CD163L1: variants seen among roughly 807,000 people sequenced by gnomAD.
CD163L1 encodes the protein scavenger receptor cysteine-rich type 1 protein M160.
In CD163L1, 124 loss-of-function variants were observed where a neutral mutation model predicts 165.4. That is an observed-to-expected ratio of 0.75 (90% CI 0.65 to 0.87). The LOEUF is 0.87. Ranked by LOEUF, CD163L1 falls within the 40% of genes least tolerant of loss-of-function variation. The pLI, the probability that CD163L1 is intolerant of heterozygous loss-of-function variation, is 0.00. For missense variants in CD163L1, 1,525 were observed against 1,799.9 expected, an observed-to-expected ratio of 0.85 and a Z score of 2.76; for synonymous variants, 585 against 662.2, an observed-to-expected ratio of 0.88 and a Z score of 1.79.
chr12:7,331,991 A>G, the CD163L1 span, among the ~76,000 whole-genome samples: 1 of 152,214 alleles, frequency 6.6e-6, no homozygotes, highest in Non-Finnish European at 1.5e-5. Context: ...CTCTGAGCTA[A>G]AGGAGGAAGT....
At chr12:7,344,072 T>C (rs1378674427), downstream of CD163L1, among the ~76,000 whole-genome samples, 3 of 151,388 alleles carry the variant, frequency 2.0e-5, no homozygotes, top group Non-Finnish European at 2.9e-5. Flanking sequence ...GGGCAATCAC[T>C]AAGCCTTTTT....
chr12:7,410,497 G>A (rs1373668841), intron 4 of CD163L1, among the ~76,000 whole-genome samples: 1 of 151,906 alleles, frequency 6.6e-6, no homozygotes, highest in Non-Finnish European at 1.5e-5. Flanking sequence ...CCAGCTACTC[G>A]GGAGGCTGAG....
chr12:7,324,056 T>A, the CD163L1 span, among the ~76,000 whole-genome samples: 4 of 151,754 alleles, frequency 2.6e-5, no homozygotes, highest in African/African-American at 9.7e-5. Flanking sequence ...CACATGTCTG[T>A]GGTCCCAGCT....
chr12:7,413,418 G>A (rs1948176648), intron 4 of CD163L1, among the ~76,000 whole-genome samples: 2 of 152,138 alleles, frequency 1.3e-5, no homozygotes, highest in African/African-American at 4.8e-5. Context: ...ATGAGTGGAG[G>A]CTTACAGCAA....
rs1417766334 is a variant in CD163L1 at position 7,347,632 on chromosome 12, G to A, written c.*25-485C>T. On this transcript the variant is annotated intron_variant, in intron 4 of 4. Transcript: ENST00000539726. The surrounding 1 kb of genome is among the most constrained non-coding windows in gnomAD (Gnocchi z 4.2). ...AATACAAAAAAATTAGCCTGGTGTGGTGGCGGGCGCCTGTAGTCCCAGCTA... is the reference window on the plus strand; with the variant it reads ...AATACAAAAAAATTAGCCTGGTGTGATGGCGGGCGCCTGTAGTCCCAGCTA... Among the ~76,000 whole-genome samples, 4 of 152,116 alleles carry A rather than the reference G, an allele frequency of 2.6e-5. No individual in the cohort carries two copies. Among genetic ancestry groups the A allele is most frequent in the African/African-American group, 9.7e-5 (4 of 41,428 alleles).
the CD163L1 span, among the ~76,000 whole-genome samples, chr12:7,330,155 C>G: frequency 2.6e-3 from 393 of 152,262 alleles, 4 homozygotes; most frequent in African/African-American, 8.5e-3. Context: ...ATATCTAAAG[C>G]TATGGAAGGA....
intron 8 of CD163L1, among the ~76,000 whole-genome samples, chr12:7,393,253 C>T (rs899052070): frequency 1.3e-4 from 20 of 152,154 alleles, no homozygotes; most frequent in Admixed American, 9.2e-4. Context: ...CCCTGGGATG[C>T]CAGGCTGGTT....
At chr12:7,443,231 T>C (rs898869497) in intron 1 of CD163L1, among the ~76,000 whole-genome samples, 1 of 152,196 alleles carries the variant, frequency 6.6e-6, no homozygotes, top group African/African-American at 2.4e-5. Context: ...TCTTTAGTCA[T>C]AAGCAAAACA....
intron 8 of CD163L1, among the ~76,000 whole-genome samples, chr12:7,388,135 A>C (rs1947561314): frequency 6.6e-6 from 1 of 152,214 alleles, no homozygotes; most frequent in Non-Finnish European, 1.5e-5. Context: ...AAATGGATTA[A>C]ATACTTAAAT....
At position 7,357,473 on chromosome 12, in the gene CD163L1, G is replaced by A. The variant is rs1054422804; in HGVS notation, c.4293C>T (p.Asn1431=). The A allele has an allele frequency of 6.8e-6, 11 of 1,612,508 alleles. No individual in the cohort carries two copies. In the East Asian group the frequency reaches 2.5e-4, roughly 36 times the overall value. ...TGTCGCTAGCATCTTCACAACCATGGTTGGGGGTGTCATCTGAAAGAAAGG... is the reference window on the plus strand; with the variant it reads ...TGTCGCTAGCATCTTCACAACCATGATTGGGGGTGTCATCTGAAAGAAAGG... ...HGTRTSDDTP[N]HGCEDASDTS... Residue 1431 remains asparagine, a synonymous_variant, in exon 19 of 20, where the codon AAC becomes AAT. Transcript: ENST00000313599.
At chr12:7,329,346 CT>C in the CD163L1 span, among the ~76,000 whole-genome samples, 158 of 88,450 alleles carry the variant, frequency 1.8e-3, 2 homozygotes, top group East Asian at 0.025. Flanking sequence ...ATTTTTTTTT[CT>C]TTTTTTTCTT....
intron 8 of CD163L1, among the ~76,000 whole-genome samples, chr12:7,394,978 G>A (rs1474251022): frequency 2.6e-5 from 4 of 152,110 alleles, no homozygotes; most frequent in South Asian, 2.1e-4. Context: ...AAATAGGAAC[G>A]TTTTTACACT....
the CD163L1 span, among the ~76,000 whole-genome samples, chr12:7,333,554 G>C: frequency 6.6e-6 from 1 of 152,180 alleles, no homozygotes; most frequent in South Asian, 2.1e-4. Flanking sequence ...ATCTAAAATT[G>C]ACACCCTAAC....
chr12:7,419,392 G>A (rs1948305728), intron 4 of CD163L1, among the ~76,000 whole-genome samples: 1 of 152,058 alleles, frequency 6.6e-6, no homozygotes, highest in African/African-American at 2.4e-5. Flanking sequence ...CAAACCCACA[G>A]CCAACATTCT....
intron 4 of CD163L1, among the ~76,000 whole-genome samples, chr12:7,417,360 A>T (rs1254927506): frequency 6.6e-6 from 1 of 152,168 alleles, no homozygotes; most frequent in Non-Finnish European, 1.5e-5. Flanking sequence ...TGTCATGTGC[A>T]GAGACTATTT....
chr12:7,397,429 C>T (rs1295002339), intron 7 of CD163L1, among the ~76,000 whole-genome samples: 2 of 152,168 alleles, frequency 1.3e-5, no homozygotes, highest in African/African-American at 4.8e-5. Context: ...TTCTCAACCT[C>T]ACAAGATGTC....
chr12:7,425,865 C>A (rs1173710516), intron 4 of CD163L1, among the ~76,000 whole-genome samples: 1 of 151,516 alleles, frequency 6.6e-6, no homozygotes, highest in Admixed American at 6.6e-5. Context: ...ATTAGTTCAA[C>A]CATTGTGGAA....
the CD163L1 span, chr12:7,322,402 A>G: frequency 3.7e-6 from 6 of 1,613,160 alleles, no homozygotes; most frequent in African/African-American, 6.7e-5. Flanking sequence ...AGACCCATGC[A>G]ACTCTGTCTC....
chr12:7,394,106 C>CA (rs1190275732), intron 8 of CD163L1, among the ~76,000 whole-genome samples: 4 of 144,364 alleles, frequency 2.8e-5, no homozygotes, highest in Non-Finnish European at 4.5e-5. Flanking sequence ...AAAACAAAAA[C>CA]AAAAAAACAA....
Sources: allele counts gnomAD v4.1 joint callset (sites outside exome capture counted in the v4.1 genomes callset), GRCh38; gene constraint gnomAD v4.1.1; non-coding constraint Gnocchi (gnomAD v3.1); transcripts MANE v1.5; gene names NCBI Gene and HGNC (gene_info 2026-07-23, HGNC 2026-07-21).